SSH2: variants seen among roughly 807,000 people sequenced by gnomAD.
SSH2 encodes the protein protein phosphatase Slingshot homolog 2.
A neutral mutation model predicts 135.2 loss-of-function variants in SSH2; 37 were observed. The observed-to-expected ratio is 0.27, with a 90% CI of 0.21 to 0.36. SSH2 has a LOEUF of 0.36. Among genes scored for constraint, SSH2 ranks in the 10% least tolerant of loss-of-function variants. SSH2 has a pLI of 1.00. For synonymous variants in SSH2, 628 were observed against 646.2 expected, an observed-to-expected ratio of 0.97 and a Z score of 0.43; for missense variants, 1,408 against 1,765.3, an observed-to-expected ratio of 0.80 and a Z score of 3.63.
chr17:29,685,996 G>A (rs918404877), intron 5 of SSH2, among the ~76,000 whole-genome samples: 1 of 150,722 alleles, frequency 6.6e-6, no homozygotes, highest in Non-Finnish European at 1.5e-5. Context: ...TTATAGGCAT[G>A]CGCCACCACA....
chr17:29,850,109 C>A lies in SSH2; in HGVS notation c.64-1180G>T, dbSNP rs570853426. 2.2e-3 allele frequency among the ~76,000 whole-genome samples: 334 copies of A among 150,544 alleles called. 1 individual carries two copies. The highest frequency in any genetic ancestry group is 8.0e-3 in the African/African-American group (329 of 41,028). On this transcript the variant is annotated intron_variant, in intron 1 of 15. Coordinates refer to ENST00000540801, the MANE Select transcript of SSH2 (RefSeq NM_001282129.2). The stretch of plus-strand genomic sequence containing the variant: ...ACAGGCACCAGAAAACAATTTAAAA[C>A]CTTTTCTTCTGTTCTCTAATCTCTT...
At chr17:29,893,173 CA>C (rs1249467272) in intron 1 of SSH2, among the ~76,000 whole-genome samples, 6 of 151,986 alleles carry the variant, frequency 3.9e-5, no homozygotes, top group Non-Finnish European at 8.8e-5. Context: ...TCTGACCCAA[CA>C]GTGCACACTT....
At chr17:29,692,841 A>G (rs1295458675) in intron 5 of SSH2, among the ~76,000 whole-genome samples, 1 of 152,178 alleles carries the variant, frequency 6.6e-6, no homozygotes, top group Non-Finnish European at 1.5e-5. Flanking sequence ...TAAAAATACA[A>G]ATTATCTCTG....
At chr17:29,790,878 G>A (rs1156518494) in intron 3 of SSH2, among the ~76,000 whole-genome samples, 1 of 150,860 alleles carries the variant, frequency 6.6e-6, no homozygotes. Flanking sequence ...ACAGGCTCAT[G>A]CCACCACACC....
At chr17:29,656,103 A>T (rs948161826) in intron 11 of SSH2, among the ~76,000 whole-genome samples, 2 of 152,220 alleles carry the variant, frequency 1.3e-5, no homozygotes, top group African/African-American at 2.4e-5. Context: ...CAGGTGCTCA[A>T]TAAACATTTG....
chr17:29,753,774 T>C (rs1048051180), intron 3 of SSH2, among the ~76,000 whole-genome samples: 55 of 138,840 alleles, frequency 4.0e-4, no homozygotes, highest in African/African-American at 1.4e-3. Flanking sequence ...GCCTGGGCGA[T>C]AGAGTGAGAC....
At chr17:29,905,013 G>A (rs1352132013) in intron 1 of SSH2, among the ~76,000 whole-genome samples, 1 of 152,118 alleles carries the variant, frequency 6.6e-6, no homozygotes, top group Non-Finnish European at 1.5e-5. Context: ...AGAAACAAAT[G>A]GAAAAGCATT....
At chr17:29,865,126 T>C (rs1037198925) in intron 1 of SSH2, among the ~76,000 whole-genome samples, 10 of 152,174 alleles carry the variant, frequency 6.6e-5, no homozygotes, top group Admixed American at 2.0e-4. Context: ...TACAACCAAA[T>C]TGAAATAAGA....
At chr17:29,847,963 C>T (rs1287255333) in intron 2 of SSH2, among the ~76,000 whole-genome samples, 5 of 152,166 alleles carry the variant, frequency 3.3e-5, no homozygotes, top group Admixed American at 2.0e-4. Flanking sequence ...AGAGCCCACA[C>T]GTTGCAGACT....
intron 1 of SSH2, among the ~76,000 whole-genome samples, chr17:29,904,376 C>T (rs1053175166): frequency 5.3e-5 from 8 of 152,242 alleles, no homozygotes; most frequent in African/African-American, 1.9e-4. Context: ...CGACTCATCA[C>T]ATAAACAGAA....
chr17:29,831,108 T>C (rs1467331894), intron 2 of SSH2, among the ~76,000 whole-genome samples: 1 of 152,184 alleles, frequency 6.6e-6, no homozygotes, highest in East Asian at 1.9e-4. Context: ...AATTGTTTGA[T>C]ATAGTCGTGG....
At chr17:29,773,086 C>T (rs1433898006) in intron 3 of SSH2, among the ~76,000 whole-genome samples, 1 of 151,672 alleles carries the variant, frequency 6.6e-6, no homozygotes, top group Non-Finnish European at 1.5e-5. Context: ...CCATCATCCA[C>T]CCATCCATCC....
At chr17:29,726,865 AAAT>A (rs1387512440) in intron 3 of SSH2, among the ~76,000 whole-genome samples, 1 of 152,146 alleles carries the variant, frequency 6.6e-6, no homozygotes, top group Non-Finnish European at 1.5e-5. Context: ...ACTTTTCTCA[AAAT>A]AGGTTTTTTC....
At chr17:29,791,568 T>C (rs775865466) in intron 3 of SSH2, among the ~76,000 whole-genome samples, 148 of 152,332 alleles carry the variant, frequency 9.7e-4, no homozygotes, top group Non-Finnish European at 1.7e-3. Flanking sequence ...TGGTGAGTGA[T>C]GGAGAACTCT....
chr17:29,648,900 G>C (rs2036482624), intron 13 of SSH2, among the ~76,000 whole-genome samples: 1 of 152,316 alleles, frequency 6.6e-6, no homozygotes, highest in African/African-American at 2.4e-5. Context: ...CAGCACTTTG[G>C]GAGGCTGAGG....
chr17:29,876,792 C>T (rs539018807), intron 1 of SSH2, among the ~76,000 whole-genome samples: 1 of 151,956 alleles, frequency 6.6e-6, no homozygotes, highest in East Asian at 1.9e-4. Context: ...GAGAACTCTC[C>T]AGGACATTGG....
At chr17:29,800,515 T>G (rs1270257252) in intron 2 of SSH2, among the ~76,000 whole-genome samples, 2 of 152,146 alleles carry the variant, frequency 1.3e-5, no homozygotes, top group South Asian at 4.1e-4. Context: ...AAAATGCCAG[T>G]CAATCTCTTC....
intron 1 of SSH2, among the ~76,000 whole-genome samples, chr17:29,870,177 T>C (rs1447242164): frequency 2.0e-5 from 3 of 151,916 alleles, no homozygotes; most frequent in Admixed American, 1.3e-4. Flanking sequence ...ACTGGTTAAA[T>C]ACATTATGGT....
intron 3 of SSH2, among the ~76,000 whole-genome samples, chr17:29,736,475 G>A (rs1487681614): frequency 6.6e-6 from 1 of 152,100 alleles, no homozygotes; most frequent in Non-Finnish European, 1.5e-5. Context: ...TAAACATAAG[G>A]TATAACAGTT....
Sources: allele counts gnomAD v4.1 joint callset (sites outside exome capture counted in the v4.1 genomes callset), GRCh38; gene constraint gnomAD v4.1.1; transcripts MANE v1.5; gene names NCBI Gene and HGNC (gene_info 2026-07-23, HGNC 2026-07-21).